The following IARS1 variants were observed in gnomAD, a reference collection of about 807,000 sequenced individuals.
IARS1 encodes the protein isoleucyl-tRNA synthetase 1.
In IARS1, 124 loss-of-function variants were observed where a neutral mutation model predicts 168.2. The ratio of observed to expected loss-of-function variants is 0.74; its 90% CI spans 0.64 to 0.86. IARS1 has a LOEUF of 0.86. Ranked by LOEUF, IARS1 falls within the 40% of genes least tolerant of loss-of-function variation. IARS1 has a pLI of 0.00. For synonymous variants in IARS1, 532 were observed against 529.4 expected (o/e 1.00, Z -0.07); for missense variants, 1,452 against 1,515.8 (o/e 0.96, Z 0.70).
At chr9:92,280,377 A>G (rs1276285541) in intron 7 of IARS1, among the ~76,000 whole-genome samples, 2 of 152,194 alleles carry the variant, frequency 1.3e-5, no homozygotes, top group African/African-American at 4.8e-5. Context: ...GTAACTCTCT[A>G]CCAGGGGACA....
At position 92,249,852 on chromosome 9, in the gene IARS1, C is replaced by T; in HGVS notation, c.2616+6G>A. On this transcript the variant is annotated splice_donor_region_variant and intron_variant, in intron 25 of 33. Transcript: ENST00000443024. ...GTACCAAAAACAGACAAATCATCTACCTTACCTCAATGATATACTTCTCCA... is the reference window on the plus strand; with the variant it reads ...GTACCAAAAACAGACAAATCATCTATCTTACCTCAATGATATACTTCTCCA... 6.7e-7 allele frequency: 1 copy of T among 1,490,796 alleles called. No homozygotes were observed. Among genetic ancestry groups the T allele is most frequent in the Non-Finnish European group, 9.3e-7 (1 of 1,072,292 alleles). The allele number at this position is 1,490,796 out of a possible 1,614,324, so 92.3% of individuals were successfully genotyped here.
At chr9:92,227,534 C>T (rs1369497536) in intron 31 of IARS1, among the ~76,000 whole-genome samples, 20 of 150,150 alleles carry the variant, frequency 1.3e-4, no homozygotes, top group African/African-American at 4.5e-4. Context: ...CCTCACCTCC[C>T]GGACGGGGCG....
At chr9:92,224,136 A>T (rs1162374134) in intron 31 of IARS1, among the ~76,000 whole-genome samples, 1 of 152,222 alleles carries the variant, frequency 6.6e-6, no homozygotes, top group Non-Finnish European at 1.5e-5. Context: ...TCTTCTCTCA[A>T]CCACAGGTGT....
chr9:92,265,199 C>G, intron 15 of IARS1, 76 bp from the exon 16 acceptor site: 1 of 1,254,052 alleles, frequency 8.0e-7, no homozygotes, highest in Admixed American at 2.4e-5. Flanking sequence ...TAATAGGAAA[C>G]ACAAAACCCT....
At chr9:92,278,817 T>C (rs191821569) in intron 7 of IARS1, among the ~76,000 whole-genome samples, 2 of 152,342 alleles carry the variant, frequency 1.3e-5, no homozygotes, top group Admixed American at 1.3e-4. Context: ...TACAGACTTT[T>C]CTCATCCTTT....
At chr9:92,267,894 C>CA (rs200208398) in intron 14 of IARS1, among the ~76,000 whole-genome samples, 1,600 of 151,018 alleles carry the variant, frequency 0.011, 33 homozygotes, top group African/African-American at 0.036. Flanking sequence ...GGGAAACACA[C>CA]AAAAAAAACA....
At chr9:92,229,594 G>C (rs1308070939) in intron 30 of IARS1, among the ~76,000 whole-genome samples, 1 of 152,030 alleles carries the variant, frequency 6.6e-6, no homozygotes, top group African/African-American at 2.4e-5. Context: ...CCCTGATGTT[G>C]ATTTATTCTG....
In IARS1 at chr9:92,271,085, A is replaced by C; in HGVS notation, c.1114-9T>G. 8.9e-6 allele frequency: 14 copies of C among 1,579,544 alleles called. No homozygotes were observed. The highest frequency in any genetic ancestry group is 1.2e-5 in the Non-Finnish European group (14 of 1,160,114). ...ATACTTTTGTCAGCATCCTATTAAAAAAAATTAAAATTTAGCCATTAAAAC... is the reference window on the plus strand; with the variant it reads ...ATACTTTTGTCAGCATCCTATTAAACAAAATTAAAATTTAGCCATTAAAAC... On this transcript the variant is annotated splice_polypyrimidine_tract_variant and intron_variant, in intron 11 of 33. Coordinates refer to ENST00000443024, the MANE Select transcript of IARS1 (RefSeq NM_002161.6).
chr9:92,273,106 T>C (rs1191165457), intron 10 of IARS1, among the ~76,000 whole-genome samples: 1 of 140,270 alleles, frequency 7.1e-6, no homozygotes, highest in Admixed American at 7.5e-5. Context: ...CACTCCAGCC[T>C]GGGTGACAGA....
In IARS1 at chr9:92,253,929, A is replaced by T. The variant is rs746639827; in HGVS notation, c.2138-476T>A. ...GTGATTCTCAAACAAAAGCAATTTT[A>T]TCCCATGGGAAACATTTGTCAACGT... On this transcript the variant is annotated intron_variant, in intron 20 of 33. Coordinates refer to ENST00000443024, the MANE Select transcript of IARS1 (RefSeq NM_002161.6). The T allele has an allele frequency of 9.0e-5, 41 of 453,680 alleles. No individual in the cohort carries two copies. In the Middle Eastern group the frequency reaches 2.6e-3, roughly 29 times the overall value. The allele number at this position is 453,680 out of a possible 1,614,324, so 28.1% of individuals were successfully genotyped here.
chr9:92,251,744 A>G (rs1830033103), intron 22 of IARS1, 64 bp downstream of exon 22: 8 of 1,082,686 alleles, frequency 7.4e-6, no homozygotes, highest in Non-Finnish European at 1.1e-5. Flanking sequence ...AGGATGCTGC[A>G]GCAAGTAGGT....
chr9:92,229,394 C>T (rs1450983532), intron 30 of IARS1, among the ~76,000 whole-genome samples: 1 of 150,388 alleles, frequency 6.6e-6, no homozygotes, highest in African/African-American at 2.5e-5. Context: ...CACACATCTC[C>T]ATCCTTGGCA....
intron 17 of IARS1, among the ~76,000 whole-genome samples, chr9:92,262,641 A>T (rs949797979): frequency 5.3e-5 from 8 of 152,318 alleles, no homozygotes; most frequent in Non-Finnish European, 8.8e-5. Flanking sequence ...GTGTTAAAAA[A>T]AGGACAACAA....
rs577329357 is a variant in IARS1, at chr9:92,252,854, T to C, written c.2229+508A>G. ...TGGGCCTGCAGTAAAGAGACCTCGC[T>C]CTCTCTATTAAGCATCATTGTTATT... On this transcript the variant is annotated intron_variant, in intron 21 of 33. Coordinates refer to ENST00000443024, the MANE Select transcript of IARS1 (RefSeq NM_002161.6). Among the ~76,000 whole-genome samples, 7 of 142,348 alleles carry C rather than the reference T, an allele frequency of 4.9e-5. No individual in the cohort carries two copies. The East Asian group carries it at 1.5e-3, about 31-fold the overall frequency. 93.4% of individuals were successfully genotyped at this position (142,348 alleles called of 152,430 possible).
intron 14 of IARS1, among the ~76,000 whole-genome samples, chr9:92,265,792 G>C (rs1428058339): frequency 2.6e-5 from 4 of 151,806 alleles, no homozygotes; most frequent in African/African-American, 4.8e-5. Flanking sequence ...CAAGTACCTG[G>C]GGCTACAGGC....
intron 10 of IARS1, among the ~76,000 whole-genome samples, 190 bp from the exon 11 acceptor site, chr9:92,271,845 C>T (rs1302050354): frequency 6.6e-6 from 1 of 152,180 alleles, no homozygotes; most frequent in Non-Finnish European, 1.5e-5. Flanking sequence ...GGTTAGGTCA[C>T]CCAGTCTAGT....
chr9:92,276,836 AC>A (rs1158034739), intron 9 of IARS1, among the ~76,000 whole-genome samples: 3 of 152,182 alleles, frequency 2.0e-5, no homozygotes, highest in Non-Finnish European at 2.9e-5. Context: ...GGGAGTGGGG[AC>A]AGCAGGGTTT....
chr9:92,289,560 A>G (rs762961403), intron 1 of IARS1, 134 bp from the exon 2 acceptor site: 1 of 612,212 alleles, frequency 1.6e-6, no homozygotes, highest in Admixed American at 2.9e-5. Flanking sequence ...TACAATTTAC[A>G]TAGTGTAATG....
At chr9:92,264,433 T>C (rs915705673) in intron 16 of IARS1, among the ~76,000 whole-genome samples, 7 of 152,020 alleles carry the variant, frequency 4.6e-5, no homozygotes, top group Non-Finnish European at 8.8e-5. Flanking sequence ...CTGTTTTACA[T>C]AAGGCACCAG....
Sources: gnomAD v4.1 joint callset for allele counts (sites outside exome capture counted in the v4.1 genomes callset) on GRCh38, gnomAD v4.1.1 for gene constraint, MANE v1.5 for transcripts, NCBI Gene and HGNC (gene_info 2026-07-23, HGNC 2026-07-21) for gene names.